Variants in DCDC1 observed in about 807,000 individuals in gnomAD.
The protein encoded by DCDC1 is doublecortin domain containing 1.
In DCDC1, 200 loss-of-function variants were observed where a neutral mutation model predicts 178.3. The ratio of observed to expected loss-of-function variants is 1.12; its 90% CI spans 1.00 to 1.26. The LOEUF is 1.26. Among genes scored for constraint, DCDC1 ranks in the 50% most tolerant of loss-of-function variants. The pLI is 0.00. For synonymous variants in DCDC1, 690 were observed against 604.8 expected (o/e 1.14, Z -2.07); for missense variants, 1,983 against 1,749.2 (o/e 1.13, Z -2.38).
chr11:30,903,742 A>G, intron 31 of DCDC1, 59 bp from the exon 32 acceptor site: 1 of 1,335,772 alleles, frequency 7.5e-7, no homozygotes, highest in South Asian at 2.0e-5. Flanking sequence ...GGGAATGATC[A>G]TTAAGAGCTT....
chr11:31,289,345 A>C (rs1214275064), intron 7 of DCDC1, among the ~76,000 whole-genome samples: 1 of 152,038 alleles, frequency 6.6e-6, no homozygotes, highest in Non-Finnish European at 1.5e-5. Context: ...TGGCCAGGGA[A>C]GATGTTATAA....
At chr11:31,041,231 G>T (rs1565211548) in intron 20 of DCDC1, among the ~76,000 whole-genome samples, 1 of 152,158 alleles carries the variant, frequency 6.6e-6, no homozygotes, top group Non-Finnish European at 1.5e-5. Flanking sequence ...CAAAAGAAAG[G>T]CAGACAATAA....
chr11:31,215,977 G>T (rs748283384), intron 9 of DCDC1, among the ~76,000 whole-genome samples: 1 of 152,142 alleles, frequency 6.6e-6, no homozygotes, highest in Non-Finnish European at 1.5e-5. Context: ...GCCATGCAGA[G>T]CCAAGGAGCA....
At chr11:31,347,748 G>T (rs984218005) in intron 1 of DCDC1, among the ~76,000 whole-genome samples, 1 of 152,150 alleles carries the variant, frequency 6.6e-6, no homozygotes, top group Admixed American at 6.6e-5. Flanking sequence ...GATAGAAGGT[G>T]CCAGGGGTCA....
At chr11:30,918,688 T>G (rs991700798) in intron 25 of DCDC1, among the ~76,000 whole-genome samples, 1 of 152,100 alleles carries the variant, frequency 6.6e-6, no homozygotes, top group African/African-American at 2.4e-5. Context: ...AAGATTATGG[T>G]TAGCCCACTT....
At chr11:31,133,539 T>C (rs1043741599) in intron 10 of DCDC1, among the ~76,000 whole-genome samples, 5 of 152,156 alleles carry the variant, frequency 3.3e-5, no homozygotes, top group Admixed American at 2.6e-4. Context: ...AGAACCCTAA[T>C]TTGTTGAATG....
chr11:31,337,184 G>T (rs1950314517), intron 1 of DCDC1, among the ~76,000 whole-genome samples: 1 of 152,146 alleles, frequency 6.6e-6, no homozygotes, highest in African/African-American at 2.4e-5. Context: ...AAGAAATAAG[G>T]ATAACACTAG....
chr11:31,342,987 T>C (rs534783768), intron 1 of DCDC1, among the ~76,000 whole-genome samples: 1 of 152,292 alleles, frequency 6.6e-6, no homozygotes, highest in East Asian at 1.9e-4. Flanking sequence ...GAGTCAAAGC[T>C]GGATGCAGTG....
At chr11:30,915,749 T>A (rs769250445) in intron 26 of DCDC1, 38 bp from the exon 27 acceptor site, 2 of 1,576,046 alleles carry the variant, frequency 1.3e-6, no homozygotes, top group South Asian at 2.3e-5. Flanking sequence ...CAGAAAAATG[T>A]CCCATGCACT....
chr11:31,087,212 A>T (rs890266308), intron 17 of DCDC1, among the ~76,000 whole-genome samples: 1 of 152,114 alleles, frequency 6.6e-6, no homozygotes, highest in Non-Finnish European at 1.5e-5. Flanking sequence ...TAACTGCGTG[A>T]TATCTCTCAT....
chr11:31,111,752 C>T (rs557238654), intron 11 of DCDC1, among the ~76,000 whole-genome samples: 1 of 152,262 alleles, frequency 6.6e-6, no homozygotes, highest in East Asian at 1.9e-4. Flanking sequence ...GGTCACAATT[C>T]TAGGTGGCAT....
intron 9 of DCDC1, among the ~76,000 whole-genome samples, chr11:31,205,358 T>C (rs2136468711): frequency 6.6e-6 from 1 of 152,298 alleles, no homozygotes; most frequent in East Asian, 1.9e-4. Context: ...TTACAGACCC[T>C]TGGCCTAAAA....
intron 9 of DCDC1, among the ~76,000 whole-genome samples, chr11:31,192,885 A>G (rs1167461145): frequency 1.3e-5 from 2 of 152,114 alleles, no homozygotes; most frequent in African/African-American, 2.4e-5. Flanking sequence ...CATCAATGTA[A>G]GTGATCATCA....
At chr11:30,918,493 A>G (rs538987874) in intron 25 of DCDC1, among the ~76,000 whole-genome samples, 1 of 152,328 alleles carries the variant, frequency 6.6e-6, no homozygotes, top group South Asian at 2.1e-4. Context: ...TGAATAAAAT[A>G]GGATATTGTA....
intron 21 of DCDC1, among the ~76,000 whole-genome samples, chr11:30,945,758 G>GTCTA (rs201322217): frequency 1.4e-5 from 2 of 148,110 alleles, no homozygotes; most frequent in Non-Finnish European, 3.0e-5. Flanking sequence ...CTGTCTGTCT[G>GTCTA]TCTATCTATC....
At chr11:31,023,752 A>T (rs1953047633) in intron 20 of DCDC1, among the ~76,000 whole-genome samples, 1 of 152,038 alleles carries the variant, frequency 6.6e-6, no homozygotes. Flanking sequence ...TTAGAACGGG[A>T]TATTAACCGA....
chr11:31,049,062 G>C (rs1209439333), intron 20 of DCDC1, among the ~76,000 whole-genome samples: 1 of 152,078 alleles, frequency 6.6e-6, no homozygotes, highest in South Asian at 2.1e-4. Context: ...TCTGAGACAC[G>C]GCCTATGTCA....
chr11:31,267,275 C>T (rs1030240384), intron 7 of DCDC1, among the ~76,000 whole-genome samples: 2 of 152,046 alleles, frequency 1.3e-5, no homozygotes, highest in Non-Finnish European at 2.9e-5. Context: ...ACCGCAACCT[C>T]CGTCTCCCGG....
chr11:31,276,253 C>A (rs551436245), intron 7 of DCDC1, among the ~76,000 whole-genome samples: 149 of 152,168 alleles, frequency 9.8e-4, no homozygotes, highest in African/African-American at 3.1e-3. Context: ...ACAGTATTCA[C>A]TATATAAACC....
Sources: gnomAD v4.1 joint callset for allele counts (sites outside exome capture counted in the v4.1 genomes callset) on GRCh38, gnomAD v4.1.1 for gene constraint, MANE v1.5 for transcripts, NCBI Gene and HGNC (gene_info 2026-07-23, HGNC 2026-07-21) for gene names.